SPECC1: variants seen among roughly 807,000 people sequenced by gnomAD.
SPECC1 encodes the protein cytospin-B.
In SPECC1, 62 loss-of-function variants were observed where a neutral mutation model predicts 104.1. The observed-to-expected ratio is 0.60, with a 90% confidence interval of 0.49 to 0.74. The LOEUF (loss-of-function observed/expected upper bound fraction) is 0.74. Ranked by LOEUF, SPECC1 falls within the 30% of genes least tolerant of loss-of-function variation. The pLI, the probability that SPECC1 is intolerant of heterozygous loss-of-function variation, is 0.00. For missense variants in SPECC1, 1,306 were observed against 1,310.5 expected, an observed-to-expected ratio of 1.00 and a Z score of 0.05; for synonymous variants, 513 against 501.6, an observed-to-expected ratio of 1.02 and a Z score of -0.30.
intron 1 of SPECC1, among the ~76,000 whole-genome samples, chr17:20,078,945 A>G (rs2046866447): frequency 6.6e-6 from 1 of 152,180 alleles, no homozygotes; most frequent in Non-Finnish European, 1.5e-5. Flanking sequence ...TATAAAGTAA[A>G]TAAACAGGCA....
At chr17:20,130,476 A>G (rs2152546664) in intron 3 of SPECC1, among the ~76,000 whole-genome samples, 1 of 152,298 alleles carries the variant, frequency 6.6e-6, no homozygotes, top group East Asian at 1.9e-4. Flanking sequence ...TCAAGTCTGC[A>G]GTGATATATA....
At chr17:20,104,767 G>GA (rs1161754515) in intron 2 of SPECC1, among the ~76,000 whole-genome samples, 5 of 107,584 alleles carry the variant, frequency 4.6e-5, no homozygotes, top group South Asian at 3.0e-4. Context: ...AAAAAAAAAA[G>GA]AAAAAAAAAT....
chr17:20,230,698 A>C (rs1397555615), intron 5 of SPECC1, among the ~76,000 whole-genome samples: 1 of 152,238 alleles, frequency 6.6e-6, no homozygotes, highest in Non-Finnish European at 1.5e-5. Flanking sequence ...CCATCTTTTG[A>C]AAAACTTTTA....
At chr17:20,165,404 T>C (rs2033564860) in intron 3 of SPECC1, among the ~76,000 whole-genome samples, 1 of 152,362 alleles carries the variant, frequency 6.6e-6, no homozygotes, top group East Asian at 1.9e-4. Context: ...TTTTTATGGC[T>C]GCATTCTGTT....
intron 12 of SPECC1, among the ~76,000 whole-genome samples, chr17:20,262,393 T>C (rs1379780137): frequency 6.6e-5 from 10 of 152,152 alleles, no homozygotes; most frequent in Admixed American, 6.5e-4. Context: ...ACTGAAGTAA[T>C]TGTATAATTT....
At chr17:20,131,833 A>T (rs1054945488) in intron 3 of SPECC1, among the ~76,000 whole-genome samples, 1 of 151,940 alleles carries the variant, frequency 6.6e-6, no homozygotes, top group East Asian at 1.9e-4. Context: ...GTATTTTAGT[A>T]GAGACGGGGT....
At chr17:20,269,762 C>T (rs548633679) in intron 12 of SPECC1, among the ~76,000 whole-genome samples, 12 of 152,326 alleles carry the variant, frequency 7.9e-5, no homozygotes, top group Admixed American at 5.2e-4. Context: ...CTTGGAAGCA[C>T]GTGCCTGGTT....
chr17:20,020,003 G>T (rs2044310152), intron 1 of SPECC1, among the ~76,000 whole-genome samples: 1 of 152,204 alleles, frequency 6.6e-6, no homozygotes, highest in South Asian at 2.1e-4. Context: ...CCTGCAGGGT[G>T]ACATGCATAG....
chr17:20,107,151 A>T (rs2048252588), intron 2 of SPECC1, among the ~76,000 whole-genome samples: 1 of 78,332 alleles, frequency 1.3e-5, no homozygotes, highest in Non-Finnish European at 4.2e-5. Flanking sequence ...TCTCAAAAAA[A>T]AAAAAAAAAA....
chr17:20,269,161 C>CA (rs929378348), intron 12 of SPECC1, among the ~76,000 whole-genome samples: 1 of 152,102 alleles, frequency 6.6e-6, no homozygotes, highest in Non-Finnish European at 1.5e-5. Context: ...TGCCTCTGTG[C>CA]AAAAAAGACT....
intron 13 of SPECC1, among the ~76,000 whole-genome samples, chr17:20,301,116 C>T (rs570253555): frequency 1.1e-4 from 16 of 152,226 alleles, no homozygotes; most frequent in East Asian, 5.8e-4. Context: ...GGGATGCTGG[C>T]GTTCTTTTTG....
chr17:20,197,409 G>C (rs1471692544), intron 3 of SPECC1, among the ~76,000 whole-genome samples: 1 of 152,146 alleles, frequency 6.6e-6, no homozygotes, highest in Non-Finnish European at 1.5e-5. Context: ...AGGTCACACA[G>C]ATATTAAACC....
At chr17:20,100,338 T>C (rs1490567000) in intron 2 of SPECC1, among the ~76,000 whole-genome samples, 1 of 152,126 alleles carries the variant, frequency 6.6e-6, no homozygotes, top group East Asian at 1.9e-4. Context: ...AGAAAAATAC[T>C]AAAAAGGAAG....
At chr17:20,260,606 G>A (rs1469743080) in intron 12 of SPECC1, among the ~76,000 whole-genome samples, 25 of 152,180 alleles carry the variant, frequency 1.6e-4, no homozygotes, top group Admixed American at 1.6e-3. Flanking sequence ...CAGGTTCTTG[G>A]GCTGTCAATG....
At chr17:20,155,942 G>A in intron 3 of SPECC1, 1 of 1,241,406 alleles carries the variant, frequency 8.1e-7, no homozygotes, top group Non-Finnish European at 1.0e-6. Context: ...CAGTTGAGGT[G>A]GTCCGGCAGG....
rs1012194732 is a variant in SPECC1, at chr17:20,238,174, A to G, written c.2351+5769A>G. On this transcript the variant is annotated intron_variant, in intron 7 of 14. Transcript: ENST00000395527. ...GTTAAACATAAGTAGAAGTTTGATC[A>G]TAAAGGATGTTATTAAGCCGGATAG... 5 of 1,034,938 alleles carry G rather than the reference A, an allele frequency of 4.8e-6. No individual in the cohort carries two copies. In the South Asian group the frequency reaches 2.3e-4, roughly 48 times the overall value. 64.1% of individuals were successfully genotyped at this position (1,034,938 alleles called of 1,614,324 possible). A position where few individuals can be genotyped will look rare whatever the true frequency, so the allele number is the denominator to read the frequency against.
At chr17:20,227,386 G>T in intron 4 of SPECC1, 27 bp from the exon 5 acceptor site, 2 of 1,598,830 alleles carry the variant, frequency 1.3e-6, no homozygotes, top group South Asian at 2.3e-5. Context: ...GTTGTTAACT[G>T]ACCAAGGAAC....
chr17:20,253,703 AT>A (rs1002985391), intron 10 of SPECC1, 117 bp downstream of exon 10: 11 of 943,036 alleles, frequency 1.2e-5, no homozygotes, highest in African/African-American at 1.6e-5. Flanking sequence ...CTTGCAAGTG[AT>A]TTCAACCCCG....
intron 1 of SPECC1, among the ~76,000 whole-genome samples, chr17:20,090,077 T>A (rs2047338686): frequency 6.6e-6 from 1 of 152,136 alleles, no homozygotes; most frequent in Non-Finnish European, 1.5e-5. Context: ...TAGGAGAAGA[T>A]TTTCTGGAGC....
Sources: allele counts gnomAD v4.1 joint callset (sites outside exome capture counted in the v4.1 genomes callset), GRCh38; gene constraint gnomAD v4.1.1; transcripts MANE v1.5; gene names NCBI Gene and HGNC (gene_info 2026-07-23, HGNC 2026-07-21).